The following SYT9 variants were observed in gnomAD, a reference collection of about 807,000 sequenced individuals.
SYT9 encodes synaptotagmin 9.
SYT9 carries 22 observed loss-of-function variants against 48.4 expected under a neutral mutation model. The observed-to-expected ratio is 0.45, with a 90% confidence interval of 0.32 to 0.65. SYT9 has a LOEUF of 0.65. Ranked by LOEUF, SYT9 falls within the 30% of genes least tolerant of loss-of-function variation. The pLI, the probability that SYT9 is intolerant of heterozygous loss-of-function variation, is 0.03. For synonymous variants in SYT9, 265 were observed against 245.0 expected (o/e 1.08, Z -0.76); for missense variants, 577 against 622.0 (o/e 0.93, Z 0.77).
chr11:7,361,011 A>G (rs929622385), intron 3 of SYT9, among the ~76,000 whole-genome samples: 1 of 152,110 alleles, frequency 6.6e-6, no homozygotes, highest in Non-Finnish European at 1.5e-5. Flanking sequence ...ATTCTCTAAC[A>G]TTTCTAAAAG....
At chr11:7,335,468 A>C (rs1849616513) in intron 3 of SYT9, among the ~76,000 whole-genome samples, 1 of 150,724 alleles carries the variant, frequency 6.6e-6, no homozygotes, top group South Asian at 2.1e-4. Context: ...CCCTCCTCCC[A>C]CCCTCCACCC....
intron 3 of SYT9, among the ~76,000 whole-genome samples, chr11:7,388,563 G>C (rs541458193): frequency 7.2e-5 from 11 of 151,978 alleles, no homozygotes; most frequent in Non-Finnish European, 1.0e-4. Flanking sequence ...TTAGATAAAT[G>C]ATTTGATCAC....
chr11:7,261,287 C>T (rs1009205063), intron 1 of SYT9, among the ~76,000 whole-genome samples: 6 of 152,048 alleles, frequency 3.9e-5, no homozygotes, highest in African/African-American at 4.8e-5. Context: ...AAAGAGTTTA[C>T]GCTGAAAATT....
At chr11:7,437,267 C>T (rs1205252637) in intron 6 of SYT9, among the ~76,000 whole-genome samples, 2 of 152,108 alleles carry the variant, frequency 1.3e-5, no homozygotes, top group African/African-American at 4.8e-5. Context: ...TCAATAAGTC[C>T]CCAGTTCTAC....
At chr11:7,401,745 A>T (rs1405191786) in intron 3 of SYT9, among the ~76,000 whole-genome samples, 2 of 151,584 alleles carry the variant, frequency 1.3e-5, no homozygotes, top group African/African-American at 4.8e-5. Flanking sequence ...TTCCATTTTT[A>T]TGTTGATAAT....
At chr11:7,238,950 T>C (rs750125205) in intron 1 of SYT9, 2 of 456,010 alleles carry the variant, frequency 4.4e-6, no homozygotes, top group South Asian at 3.1e-5. Flanking sequence ...TGTGCCCATC[T>C]CTGTCCCTGT....
At chr11:7,400,656 G>C (rs911879391) in intron 3 of SYT9, among the ~76,000 whole-genome samples, 3 of 152,160 alleles carry the variant, frequency 2.0e-5, no homozygotes, top group Non-Finnish European at 2.9e-5. Context: ...AATTATGTCA[G>C]TTTATAAAAT....
chr11:7,360,510 T>TAC (rs1240147119), intron 3 of SYT9, among the ~76,000 whole-genome samples: 5 of 152,216 alleles, frequency 3.3e-5, no homozygotes, highest in Non-Finnish European at 7.3e-5. Context: ...CATTTGTTTG[T>TAC]ATCCTCTTTA....
chr11:7,401,522 T>C (rs190364854), intron 3 of SYT9, among the ~76,000 whole-genome samples: 1 of 151,858 alleles, frequency 6.6e-6, no homozygotes, highest in East Asian at 1.9e-4. Flanking sequence ...TCTGGAGTAT[T>C]CTTTGTTGGA....
At chr11:7,426,108 T>C (rs996878355) in intron 6 of SYT9, among the ~76,000 whole-genome samples, 4 of 152,162 alleles carry the variant, frequency 2.6e-5, no homozygotes, top group African/African-American at 9.7e-5. Context: ...TTTGGGATAA[T>C]TATTTTCTCC....
chr11:7,318,359 G>C (rs1215223408), intron 3 of SYT9, among the ~76,000 whole-genome samples: 1 of 151,702 alleles, frequency 6.6e-6, no homozygotes, highest in East Asian at 1.9e-4. Context: ...TGTCACCCAG[G>C]CTGGAGTGCA....
At position 7,468,319 on chromosome 11, in the gene SYT9, A is replaced by G. The variant is rs1848366751; in HGVS notation, c.*1519A>G. The stretch of plus-strand genomic sequence containing the variant: ...TGCCTAGTACTATACAAGAAGCTCT[A>G]CTTTGATGGCAGATCTAAGAAGGCT... On this transcript the variant is annotated 3_prime_UTR_variant, in exon 7 of 7. Transcript: ENST00000318881. The G allele has an allele frequency of 2.5e-6, 1 of 398,634 alleles. No homozygotes were observed. The allele number at this position is 398,634 out of a possible 1,614,324, so 24.7% of individuals were successfully genotyped here.
chr11:7,432,573 AAAAAAAAAAATATATATACAT>A (rs1847611498), intron 6 of SYT9, among the ~76,000 whole-genome samples: 3 of 12,840 alleles, frequency 2.3e-4, no homozygotes, highest in Admixed American at 1.1e-3. Flanking sequence ...AAAAAAAAAA[AAAAAAAAAAATATATATACAT>A]ATATATATAT....
In SYT9 at chr11:7,466,917, G is replaced by T; in HGVS notation, c.*117G>T. The stretch of plus-strand genomic sequence containing the variant: ...GACGATTTCAGTGACCAAATGCTCA[G>T]CTGTAACCACAGCACTAACTGGCCT... On this transcript the variant is annotated 3_prime_UTR_variant, in exon 7 of 7. Transcript: ENST00000318881. 1.5e-6 allele frequency: 2 copies of T among 1,297,822 alleles called. No homozygotes were observed. Among genetic ancestry groups the T allele is most frequent in the South Asian group, 1.3e-5 (1 of 78,962 alleles). The allele number at this position is 1,297,822 out of a possible 1,614,324, so 80.4% of individuals were successfully genotyped here.
chr11:7,435,993 A>G (rs1847701340), intron 6 of SYT9: 1 of 152,228 alleles, frequency 6.6e-6, no homozygotes, highest in African/African-American at 2.4e-5. Context: ...AAAAGAAAAA[A>G]AAAAATCAGC....
At position 7,466,885 on chromosome 11, in the gene SYT9, A is replaced by C; in HGVS notation, c.*85A>C. ...CTTAAGTAACTTTTTCCATCCAGCA[A>C]CATCCAGACGATTTCAGTGACCAAA... On this transcript the variant is annotated 3_prime_UTR_variant, in exon 7 of 7. Coordinates refer to ENST00000318881, the MANE Select transcript of SYT9 (RefSeq NM_175733.4). 1 of 1,520,520 alleles carries C rather than the reference A, an allele frequency of 6.6e-7. No individual in the cohort carries two copies. Among genetic ancestry groups the C allele is most frequent in the South Asian group, 1.2e-5 (1 of 85,054 alleles). 94.2% of individuals were successfully genotyped at this position (1,520,520 alleles called of 1,614,324 possible).
intron 6 of SYT9, among the ~76,000 whole-genome samples, chr11:7,424,856 C>A (rs1847424408): frequency 6.6e-6 from 1 of 152,194 alleles, no homozygotes; most frequent in African/African-American, 2.4e-5. Context: ...TCTGCTGGGA[C>A]CAGCTCATTG....
chr11:7,435,576 GGA>G (rs1847688176), intron 6 of SYT9: 1 of 152,194 alleles, frequency 6.6e-6, no homozygotes, highest in Admixed American at 6.5e-5. Context: ...TTCCATAACT[GGA>G]AATACAGTGC....
intron 3 of SYT9, among the ~76,000 whole-genome samples, chr11:7,395,036 G>C (rs1485933607): frequency 2.6e-5 from 4 of 151,774 alleles, no homozygotes; most frequent in Non-Finnish European, 5.9e-5. Context: ...TATTTCCATA[G>C]GTTTTGGGGG....
Sources: allele counts gnomAD v4.1 joint callset (sites outside exome capture counted in the v4.1 genomes callset), GRCh38; gene constraint gnomAD v4.1.1; transcripts MANE v1.5; gene names NCBI Gene and HGNC (gene_info 2026-07-23, HGNC 2026-07-21).